FMN1: variants seen among roughly 807,000 people sequenced by gnomAD.
FMN1 encodes the protein formin-1.
FMN1 carries 110 observed loss-of-function variants against 132.4 expected under a neutral mutation model. That is an observed-to-expected ratio of 0.83 (90% CI 0.71 to 0.97). The LOEUF (loss-of-function observed/expected upper bound fraction) is 0.97. FMN1 is among the 50% of genes least tolerant of loss of function. The pLI is 0.00. For synonymous variants in FMN1, 722 were observed against 651.7 expected (o/e 1.11, Z -1.64); for missense variants, 1,792 against 1,705.3 (o/e 1.05, Z -0.90).
chr15:33,118,551 G>C (rs1055778720), intron 4 of FMN1, among the ~76,000 whole-genome samples: 1 of 151,804 alleles, frequency 6.6e-6, no homozygotes, highest in East Asian at 2.0e-4. Flanking sequence ...GTATAAACTT[G>C]TTGATAAGAA....
intron 6 of FMN1, among the ~76,000 whole-genome samples, chr15:33,033,668 GGTTT>G (rs2036052953): frequency 5.3e-5 from 1 of 18,874 alleles, no homozygotes. Context: ...GCTACCTCAT[GGTTT>G]TTTTTTTTTG....
At position 33,023,305 on chromosome 15, in the gene FMN1, A is replaced by C. The variant is rs192923563; in HGVS notation, c.2162-15230T>G. 5.9e-5 allele frequency among the ~76,000 whole-genome samples: 9 copies of C among 152,216 alleles called. No homozygotes were observed. In the East Asian group the frequency reaches 1.7e-3, roughly 29 times the overall value. ...CTATAGATCACGAGCCTTCAAGCCA[A>C]ACTTTCAAAACATAAGAAGAAACCT... On this transcript the variant is annotated intron_variant, in intron 6 of 20. Transcript: ENST00000616417.
At chr15:32,818,545 T>C (rs2058118352) in intron 17 of FMN1, among the ~76,000 whole-genome samples, 1 of 152,204 alleles carries the variant, frequency 6.6e-6, no homozygotes, top group South Asian at 2.1e-4. Flanking sequence ...TCTTCCTATT[T>C]TTGCGCCTTA....
chr15:33,119,945 G>A (rs1336108693), intron 4 of FMN1, among the ~76,000 whole-genome samples: 2 of 152,146 alleles, frequency 1.3e-5, no homozygotes, highest in Non-Finnish European at 2.9e-5. Context: ...AGAGCTCAAA[G>A]CGTTTTGCAA....
chr15:33,162,084 T>C (rs1446850090), intron 3 of FMN1, among the ~76,000 whole-genome samples: 1 of 152,138 alleles, frequency 6.6e-6, no homozygotes, highest in Non-Finnish European at 1.5e-5. Context: ...TGATCTCAGC[T>C]CACTGCAACC....
At chr15:32,856,888 G>C in intron 17 of FMN1, 127 bp downstream of exon 17, 1 of 664,806 alleles carries the variant, frequency 1.5e-6, no homozygotes, top group Admixed American at 2.6e-5. Context: ...GGAAAGATGG[G>C]CTAATGAAAT....
chr15:32,878,834 A>C (rs1334528384), intron 16 of FMN1, among the ~76,000 whole-genome samples: 1 of 152,222 alleles, frequency 6.6e-6, no homozygotes, highest in East Asian at 1.9e-4. Flanking sequence ...GTCAAAGAAA[A>C]AAACTCAACA....
chr15:33,091,800 T>C (rs1357058692), intron 4 of FMN1, among the ~76,000 whole-genome samples: 2 of 152,160 alleles, frequency 1.3e-5, no homozygotes, highest in Non-Finnish European at 2.9e-5. Flanking sequence ...TGAATAAATT[T>C]AATAAAAAGA....
chr15:33,108,431 A>T (rs796609422), intron 4 of FMN1, among the ~76,000 whole-genome samples: 3 of 152,148 alleles, frequency 2.0e-5, no homozygotes, highest in African/African-American at 7.2e-5. Flanking sequence ...AATACATTCA[A>T]AATAGTATTA....
intron 19 of FMN1, among the ~76,000 whole-genome samples, chr15:32,798,021 C>T (rs2057346413): frequency 6.6e-6 from 1 of 152,116 alleles, no homozygotes; most frequent in African/African-American, 2.4e-5. Context: ...GAATGCCATT[C>T]TTATACATCT....
chr15:33,061,733 A>C (rs2037493435), intron 6 of FMN1, among the ~76,000 whole-genome samples: 1 of 152,150 alleles, frequency 6.6e-6, no homozygotes, highest in Non-Finnish European at 1.5e-5. Flanking sequence ...CATATCAAAG[A>C]CAATAGAAGG....
At chr15:32,980,459 T>G (rs927237120) in intron 7 of FMN1, among the ~76,000 whole-genome samples, 2 of 152,212 alleles carry the variant, frequency 1.3e-5, no homozygotes, top group Non-Finnish European at 2.9e-5. Flanking sequence ...GGTGCTTCAG[T>G]TCTGTAAACT....
At chr15:32,961,778 A>T (rs561790746) in intron 9 of FMN1, among the ~76,000 whole-genome samples, 4 of 152,184 alleles carry the variant, frequency 2.6e-5, no homozygotes, top group Non-Finnish European at 5.9e-5. Flanking sequence ...AGGGACCCAG[A>T]CACAGAGAGT....
At chr15:32,778,538 T>C (rs532019368) in intron 19 of FMN1, among the ~76,000 whole-genome samples, 25 of 152,010 alleles carry the variant, frequency 1.6e-4, no homozygotes, top group Admixed American at 5.3e-4. Flanking sequence ...ACATGGTCAA[T>C]AAGCACGTAA....
intron 4 of FMN1, among the ~76,000 whole-genome samples, chr15:33,128,718 T>C (rs1252941604): frequency 2.6e-5 from 4 of 152,160 alleles, no homozygotes; most frequent in Non-Finnish European, 4.4e-5. Flanking sequence ...TCACGGTAAG[T>C]GTGACAGCTC....
At chr15:32,894,695 C>T (rs1427770335) in intron 15 of FMN1, among the ~76,000 whole-genome samples, 2 of 151,282 alleles carry the variant, frequency 1.3e-5, no homozygotes, top group Non-Finnish European at 2.9e-5. Context: ...TAAGATTAGA[C>T]TAAGTTATTT....
chr15:32,798,180 ACACACACACAC>A (rs2057353345), intron 19 of FMN1, among the ~76,000 whole-genome samples: 23 of 149,068 alleles, frequency 1.5e-4, no homozygotes, highest in African/African-American at 3.5e-4. Flanking sequence ...AGGAAAACGC[ACACACACACAC>A]ACACACACAC....
chr15:32,817,830 A>G (rs1332117342), intron 17 of FMN1, among the ~76,000 whole-genome samples: 1 of 152,262 alleles, frequency 6.6e-6, no homozygotes, highest in African/African-American at 2.4e-5. Context: ...CATAACTGTC[A>G]TCCTCAGAGA....
rs74626020 is a variant in FMN1, at chr15:33,013,871, A to G, written c.2162-5796T>C. Among the ~76,000 whole-genome samples the G allele has an allele frequency of 5.9e-5, 9 of 152,272 alleles. 1 individual carries two copies. The South Asian group carries it at 1.7e-3, about 28-fold the overall frequency. On this transcript the variant is annotated intron_variant, in intron 6 of 20. Transcript: ENST00000616417. Reference sequence around the variant, plus strand: ...TGAGAATAGCATCTACATTCTAAATAGAAATTATACAGACTATATTTTGCA... The same window carrying G: ...TGAGAATAGCATCTACATTCTAAATGGAAATTATACAGACTATATTTTGCA...
Sources: gnomAD v4.1 joint callset for allele counts (sites outside exome capture counted in the v4.1 genomes callset) on GRCh38, gnomAD v4.1.1 for gene constraint, MANE v1.5 for transcripts, NCBI Gene and HGNC (gene_info 2026-07-23, HGNC 2026-07-21) for gene names.